The following CLASP1 variants were observed in gnomAD, a reference collection of about 807,000 sequenced individuals.
The protein encoded by CLASP1 is CLIP-associating protein 1.
Under a neutral mutation model 192.3 loss-of-function variants are expected in CLASP1, and 38 were observed. The ratio of observed to expected loss-of-function variants is 0.20; its 90% CI spans 0.15 to 0.26. The LOEUF is 0.26. CLASP1 is among the 10% of genes least tolerant of loss of function. CLASP1 has a pLI of 1.00. For missense variants in CLASP1, 1,433 were observed against 1,932.5 expected (o/e 0.74, Z 4.85); for synonymous variants, 691 against 712.8 (o/e 0.97, Z 0.49).
exon 40 of CLASP1, chr2:121,340,426 C>T (rs1279692816): frequency 6.1e-6 from 1 of 164,150 alleles, no homozygotes; most frequent in Non-Finnish European, 1.3e-5. Context: ...CCACACAGAC[C>T]ATACGCACAA....
At chr2:121,388,621 T>C (rs2073776782) in intron 30 of CLASP1, among the ~76,000 whole-genome samples, 1 of 152,364 alleles carries the variant, frequency 6.6e-6, no homozygotes, top group Admixed American at 6.5e-5. Flanking sequence ...CTCGGGCTTC[T>C]AGTAAGTGAT....
chr2:121,606,938 C>T lies in CLASP1; in HGVS notation c.-285-758G>A, dbSNP rs191022001. ...TGGGCATGGTGGCAGTGCCTGTAGT[C>T]CCAGCTACTCGGGAGGCTGAGGCAG... On this transcript the variant is annotated intron_variant, in intron 1 of 39. Transcript: ENST00000263710. Among the ~76,000 whole-genome samples the T allele has an allele frequency of 6.0e-3, 910 of 152,040 alleles. 4 individuals are homozygous for T. Among genetic ancestry groups the T allele is most frequent in the Admixed American group, 0.01 (153 of 15,266 alleles).
At chr2:121,548,194 G>T (rs1233908605) in intron 2 of CLASP1, among the ~76,000 whole-genome samples, 1 of 152,156 alleles carries the variant, frequency 6.6e-6, no homozygotes, top group Non-Finnish European at 1.5e-5. Context: ...GGAGCTGAAG[G>T]ACAAAATAGC....
At chr2:121,520,842 C>T (rs2094441178) in intron 6 of CLASP1, among the ~76,000 whole-genome samples, 1 of 152,168 alleles carries the variant, frequency 6.6e-6, no homozygotes. Context: ...TACTGAAATC[C>T]CCACCTCCAG....
rs1229546606 is a variant in CLASP1, at chr2:121,530,389, C to G, written c.196-64G>C. 4 of 1,350,666 alleles carry G rather than the reference C, an allele frequency of 3.0e-6. No homozygotes were observed. The East Asian group carries it at 1.0e-4, about 34-fold the overall frequency. The allele number at this position is 1,350,666 out of a possible 1,614,324, so 83.7% of individuals were successfully genotyped here. A position where few individuals can be genotyped will look rare whatever the true frequency, so the allele number is the denominator to read the frequency against. On this transcript the variant is annotated intron_variant, in intron 2 of 39. Coordinates refer to ENST00000263710, the Ensembl canonical transcript of CLASP1. ...CTGCGGGGCAGCGCTCCCGCCCACC[C>G]GCTCCGGGGAGGCCTAGACATTTCC...
intron 1 of CLASP1, among the ~76,000 whole-genome samples, chr2:121,616,819 T>C (rs1424020747): frequency 6.6e-6 from 1 of 152,190 alleles, no homozygotes; most frequent in Non-Finnish European, 1.5e-5. Flanking sequence ...ATTCACTCAG[T>C]GAGCAAGCAT....
chr2:121,387,118 T>C lies in CLASP1; in HGVS notation c.3374+4A>G, dbSNP rs188058383. The C allele has an allele frequency of 3.5e-5, 56 of 1,611,806 alleles. No individual in the cohort carries two copies. In the Admixed American group the frequency reaches 6.8e-4, roughly 20 times the overall value. On this transcript the variant is annotated splice_donor_region_variant and intron_variant, in intron 32 of 39. Coordinates refer to ENST00000263710, the Ensembl canonical transcript of CLASP1. The stretch of plus-strand genomic sequence containing the variant: ...ATCTGTGGAAAGTAAAGAAGTGACC[T>C]TACCTTGGAGACAGACCCCCATGGG...
chr2:121,448,893 T>A lies in CLASP1; in HGVS notation c.1691+60A>T, dbSNP rs141395227. 6.4e-3 allele frequency: 9,915 copies of A among 1,541,290 alleles called. 50 individuals carry two copies. The highest frequency in any genetic ancestry group is 7.9e-3 in the Non-Finnish European group (8,905 of 1,131,568). ...AACATAGCTAGAATTTGTGTTTTCA[T>A]GTGACAAACTTTTAAATACAAATTC... is the stretch of plus-strand genomic sequence containing the variant. On this transcript the variant is annotated intron_variant, in intron 17 of 39. Transcript: ENST00000263710.
intron 30 of CLASP1, among the ~76,000 whole-genome samples, chr2:121,389,430 A>G (rs2073947315): frequency 6.6e-6 from 1 of 152,200 alleles, no homozygotes; most frequent in Admixed American, 6.5e-5. Flanking sequence ...AACAATTTCC[A>G]AAACTCATGC....
chr2:121,383,963 A>T lies in CLASP1; in HGVS notation c.3375-1639T>A, dbSNP rs190508310. ...GCATCTCTACTACTACTGGGTTGAT[A>T]AAAAAAAAATGACTTCCTCACTGGT... On this transcript the variant is annotated intron_variant, in intron 32 of 39. Transcript: ENST00000263710. Among the ~76,000 whole-genome samples the T allele has an allele frequency of 4.4e-3, 627 of 144,026 alleles. 1 individual carries two copies. Among genetic ancestry groups the T allele is most frequent in the Middle Eastern group, 0.025 (7 of 278 alleles). The allele number at this position is 144,026 out of a possible 152,430, so 94.5% of individuals were successfully genotyped here.
intron 8 of CLASP1, among the ~76,000 whole-genome samples, chr2:121,498,512 T>C (rs190829432): frequency 2.6e-5 from 4 of 152,246 alleles, no homozygotes; most frequent in African/African-American, 9.6e-5. Flanking sequence ...TGGCCAAATA[T>C]AGGCAATAGT....
intron 1 of CLASP1, among the ~76,000 whole-genome samples, chr2:121,638,627 T>C (rs1486408476): frequency 6.6e-6 from 1 of 150,390 alleles, no homozygotes; most frequent in Non-Finnish European, 1.5e-5. Flanking sequence ...ATCCATACAA[T>C]AGAACATTAC....
intron 8 of CLASP1, among the ~76,000 whole-genome samples, chr2:121,493,859 T>C (rs555167240): frequency 6.4e-4 from 97 of 152,338 alleles, no homozygotes; most frequent in African/African-American, 2.2e-3. Flanking sequence ...CTCAACATCA[T>C]TGATTATCAG....
At position 121,464,906 on chromosome 2, in the gene CLASP1, T is replaced by C. The variant is rs573355502; in HGVS notation, c.866-2301A>G. On this transcript the variant is annotated intron_variant, in intron 9 of 39. Coordinates refer to ENST00000263710, the Ensembl canonical transcript of CLASP1. ...GCCATTGCTTTTGGTGTTTTAGACA[T>C]GAAGTCCTTGCCCATGCCTATGTCC... 4.9e-3 allele frequency among the ~76,000 whole-genome samples: 748 copies of C among 152,338 alleles called. 8 individuals are homozygous for C. The highest frequency in any genetic ancestry group is 0.017 in the African/African-American group (724 of 41,574).
chr2:121,406,600 A>ATT (rs942558069), intron 25 of CLASP1, among the ~76,000 whole-genome samples: 1 of 151,404 alleles, frequency 6.6e-6, no homozygotes, highest in Non-Finnish European at 1.5e-5. Flanking sequence ...TATTTTTTTT[A>ATT]TTTTTTTTGA....
chr2:121,552,021 A>C (rs1365884962), intron 2 of CLASP1, among the ~76,000 whole-genome samples: 1 of 152,162 alleles, frequency 6.6e-6, no homozygotes, highest in East Asian at 1.9e-4. Context: ...TAGAATAGAA[A>C]GCCCAGAAAT....
chr2:121,391,244 T>C (rs2074288801), intron 30 of CLASP1, among the ~76,000 whole-genome samples: 1 of 152,218 alleles, frequency 6.6e-6, no homozygotes, highest in African/African-American at 2.4e-5. Context: ...CAGTTTTCAG[T>C]CTACCTGTTT....
chr2:121,358,091 T>C (rs958428584), intron 37 of CLASP1, among the ~76,000 whole-genome samples: 3 of 152,234 alleles, frequency 2.0e-5, no homozygotes, highest in African/African-American at 7.2e-5. Context: ...TATTGGAGTT[T>C]GTGCTGTTAG....
At chr2:121,343,211 T>C (rs560727785) in intron 39 of CLASP1, among the ~76,000 whole-genome samples, 1 of 152,220 alleles carries the variant, frequency 6.6e-6, no homozygotes, top group South Asian at 2.1e-4. Context: ...AGAAATAAAT[T>C]AGAAAAGTGA....
Sources: allele counts gnomAD v4.1 joint callset (sites outside exome capture counted in the v4.1 genomes callset), GRCh38; gene constraint gnomAD v4.1.1; transcripts MANE v1.5; gene names NCBI Gene and HGNC (gene_info 2026-07-23, HGNC 2026-07-21).